The following DGKB variants were observed in gnomAD, a reference collection of about 807,000 sequenced individuals.
The protein encoded by DGKB is 90 kDa diacylglycerol kinase.
DGKB carries 67 observed loss-of-function variants against 114.3 expected under a neutral mutation model. The observed-to-expected ratio is 0.59, with a 90% CI of 0.48 to 0.72. The LOEUF is 0.72. Ranked by LOEUF, DGKB falls within the 30% of genes least tolerant of loss-of-function variation. The probability of loss-of-function intolerance (pLI) is 0.00; values close to 1 mark genes in which losing one functional copy is unlikely to be tolerated. For synonymous variants in DGKB, 398 were observed against 323.1 expected (o/e 1.23, Z -2.49); for missense variants, 907 against 975.2 (o/e 0.93, Z 0.93).
At chr7:14,589,150 G>A (rs949132780) in intron 17 of DGKB, among the ~76,000 whole-genome samples, 22 of 151,540 alleles carry the variant, frequency 1.5e-4, no homozygotes, top group Non-Finnish European at 1.9e-4. Context: ...GTTTTTGTTG[G>A]TATTTTAAAC....
intron 2 of DGKB, among the ~76,000 whole-genome samples, chr7:14,821,073 A>G (rs577340239): frequency 6.6e-6 from 1 of 152,198 alleles, no homozygotes; most frequent in Non-Finnish European, 1.5e-5. Flanking sequence ...AGAGATAAAA[A>G]AAGGTCTATT....
chr7:14,754,883 T>C (rs1834643510), intron 3 of DGKB, among the ~76,000 whole-genome samples: 1 of 152,162 alleles, frequency 6.6e-6, no homozygotes, highest in African/African-American at 2.4e-5. Flanking sequence ...ACCTTTCTCC[T>C]TCCTATCTAA....
Position 14,347,827 on chromosome 7 carries a change from T to C in DGKB, c.1836-2436A>G, listed in dbSNP as rs142531302. 6.8e-3 allele frequency among the ~76,000 whole-genome samples: 1,032 copies of C among 152,184 alleles called. 7 individuals carry two copies. The highest frequency in any genetic ancestry group is 0.023 in the African/African-American group (976 of 41,544). On this transcript the variant is annotated intron_variant, in intron 21 of 25. Coordinates refer to ENST00000402815, the MANE Select transcript of DGKB (RefSeq NM_001350709.2). ...AGTCATGGATATGTAATTAGCTTCA[T>C]TGTGATAATTATTTCACAATATATG... is the stretch of plus-strand genomic sequence containing the variant.
At chr7:14,275,480 A>G (rs1361654247) in intron 23 of DGKB, among the ~76,000 whole-genome samples, 1 of 152,122 alleles carries the variant, frequency 6.6e-6, no homozygotes, top group East Asian at 1.9e-4. Context: ...TTTCCTTCTA[A>G]TAGCTTTTCA....
intron 2 of DGKB, among the ~76,000 whole-genome samples, chr7:14,815,655 G>A (rs1392676931): frequency 6.6e-6 from 1 of 152,096 alleles, no homozygotes; most frequent in East Asian, 1.9e-4. Flanking sequence ...GGCTCTCTTG[G>A]TGACCCCATC....
chr7:14,250,858 A>T (rs1236936052), intron 23 of DGKB, among the ~76,000 whole-genome samples: 1 of 152,168 alleles, frequency 6.6e-6, no homozygotes, highest in Non-Finnish European at 1.5e-5. Flanking sequence ...CTCTTGATGA[A>T]TTGACTCCAT....
Position 14,607,585 on chromosome 7 carries a change from T to C in DGKB, c.1359-77A>G, listed in dbSNP as rs1314522428. 3 of 549,756 alleles carry C rather than the reference T, an allele frequency of 5.5e-6. No individual in the cohort carries two copies. The East Asian group carries it at 1.0e-4, about 19-fold the overall frequency. 34.1% of individuals were successfully genotyped at this position (549,756 alleles called of 1,614,324 possible). On this transcript the variant is annotated intron_variant, in intron 16 of 25. Coordinates refer to ENST00000402815, the MANE Select transcript of DGKB (RefSeq NM_001350709.2). ...AAATAAGTAATGTCTCTCAGTGTTA[T>C]AAAATATATATAGTTGCAATTAATT...
intron 23 of DGKB, among the ~76,000 whole-genome samples, chr7:14,221,989 G>T (rs1180209711): frequency 1.3e-5 from 2 of 151,140 alleles, no homozygotes; most frequent in African/African-American, 2.4e-5. Context: ...TTTAAAGGCT[G>T]ATAGTAATAC....
intron 23 of DGKB, among the ~76,000 whole-genome samples, chr7:14,324,665 C>G (rs1439083723): frequency 6.6e-6 from 1 of 151,860 alleles, no homozygotes; most frequent in Non-Finnish European, 1.5e-5. Flanking sequence ...TTTATAAGAA[C>G]CTAGACATAC....
intron 20 of DGKB, among the ~76,000 whole-genome samples, chr7:14,567,172 A>T (rs1797537853): frequency 1.1e-5 from 1 of 94,250 alleles, no homozygotes; most frequent in Non-Finnish European, 1.9e-5. Context: ...ATTTATATAT[A>T]TTATATATAA....
intron 1 of DGKB, among the ~76,000 whole-genome samples, chr7:14,929,734 C>A (rs1039700587): frequency 6.6e-6 from 1 of 151,952 alleles, no homozygotes; most frequent in African/African-American, 2.4e-5. Flanking sequence ...ACTTAAGTCC[C>A]ATTTATCTAT....
intron 13 of DGKB, among the ~76,000 whole-genome samples, chr7:14,660,738 A>G (rs1184391393): frequency 2.0e-5 from 3 of 152,036 alleles, no homozygotes; most frequent in African/African-American, 4.8e-5. Flanking sequence ...AAGAGCCCGC[A>G]TCGCCAAGTC....
At chr7:14,892,207 T>A (rs975808059) in intron 1 of DGKB, among the ~76,000 whole-genome samples, 2 of 151,156 alleles carry the variant, frequency 1.3e-5, no homozygotes, top group African/African-American at 2.4e-5. Flanking sequence ...GATTTCAAAG[T>A]GGAGAAGTTC....
intron 8 of DGKB, among the ~76,000 whole-genome samples, chr7:14,696,954 A>C (rs535600598): frequency 6.6e-6 from 1 of 152,326 alleles, no homozygotes; most frequent in Non-Finnish European, 1.5e-5. Context: ...GAGGTTAAAT[A>C]TACACTTCTT....
chr7:14,960,165 T>A (rs1440984872), intron 1 of DGKB, among the ~76,000 whole-genome samples: 1 of 152,098 alleles, frequency 6.6e-6, no homozygotes, highest in Admixed American at 6.6e-5. Context: ...GATGTATTTA[T>A]ACATTTTGAA....
At chr7:14,270,705 A>C (rs2128431694) in intron 23 of DGKB, among the ~76,000 whole-genome samples, 1 of 152,330 alleles carries the variant, frequency 6.6e-6, no homozygotes, top group Non-Finnish European at 1.5e-5. Context: ...CATCTGTCAA[A>C]CAGAAACTCA....
intron 21 of DGKB, among the ~76,000 whole-genome samples, chr7:14,346,308 T>C (rs1480976415): frequency 6.6e-6 from 1 of 151,936 alleles, no homozygotes; most frequent in Non-Finnish European, 1.5e-5. Context: ...AAAATGACAT[T>C]AAACCTAATA....
At chr7:14,473,565 C>T (rs1353735826) in intron 21 of DGKB, among the ~76,000 whole-genome samples, 2 of 152,090 alleles carry the variant, frequency 1.3e-5, no homozygotes, top group Admixed American at 1.3e-4. Context: ...GAGAAGAGGG[C>T]CACCATCCTC....
chr7:14,864,336 A>T (rs1409198617), intron 1 of DGKB, among the ~76,000 whole-genome samples: 1 of 152,076 alleles, frequency 6.6e-6, no homozygotes, highest in Non-Finnish European at 1.5e-5. Context: ...ATACAAACAC[A>T]CCCATGTAAT....
Sources: allele counts gnomAD v4.1 joint callset (sites outside exome capture counted in the v4.1 genomes callset), GRCh38; gene constraint gnomAD v4.1.1; transcripts MANE v1.5; gene names NCBI Gene and HGNC (gene_info 2026-07-23, HGNC 2026-07-21).